Variants in SPOCK3 observed in about 807,000 individuals in gnomAD.
SPOCK3 encodes the protein testican-3.
Under a neutral mutation model 56.6 loss-of-function variants are expected in SPOCK3, and 30 were observed. The ratio of observed to expected loss-of-function variants is 0.53; its 90% CI spans 0.40 to 0.72. The LOEUF is 0.72. Ranked by LOEUF, SPOCK3 falls within the 30% of genes least tolerant of loss-of-function variation. SPOCK3 has a pLI of 0.00. For missense variants in SPOCK3, 527 were observed against 530.0 expected, an observed-to-expected ratio of 0.99 and a Z score of 0.06; for synonymous variants, 196 against 183.3, an observed-to-expected ratio of 1.07 and a Z score of -0.56.
chr4:166,827,081 T>C (rs1272166053), intron 6 of SPOCK3, among the ~76,000 whole-genome samples: 1 of 152,156 alleles, frequency 6.6e-6, no homozygotes, highest in Non-Finnish European at 1.5e-5. Context: ...CAGTGGTCCC[T>C]ATATTCAATC....
intron 6 of SPOCK3, among the ~76,000 whole-genome samples, chr4:166,845,421 T>C (rs1747959545): frequency 1.3e-5 from 2 of 152,194 alleles, no homozygotes; most frequent in Admixed American, 6.5e-5. Context: ...ACAAATCTAA[T>C]TGTGGCTTTA....
intron 4 of SPOCK3, among the ~76,000 whole-genome samples, chr4:166,914,394 T>C (rs1737616268): frequency 6.6e-6 from 1 of 152,214 alleles, no homozygotes; most frequent in African/African-American, 2.4e-5. Flanking sequence ...TAAATTTCTC[T>C]TATAAATATA....
At chr4:167,202,408 T>A (rs1353378858) in intron 2 of SPOCK3, among the ~76,000 whole-genome samples, 1 of 152,010 alleles carries the variant, frequency 6.6e-6, no homozygotes, top group Non-Finnish European at 1.5e-5. Flanking sequence ...TGACAGTTTA[T>A]GCAAAGTGTA....
rs5863838 is a variant in SPOCK3 at position 166,743,441 on chromosome 4, T to TAA, written c.932-1384_932-1383dup. 1.1e-4 allele frequency among the ~76,000 whole-genome samples: 17 copies of TAA among 151,674 alleles called. No individual in the cohort carries two copies. The South Asian group carries it at 2.9e-3, about 26-fold the overall frequency. ...TATGTGAACTTAATCTTGCAGAATC[T>TAA]AAAAAAAAATTCATCTTATAGAATC... On this transcript the variant is annotated intron_variant, in intron 8 of 10. Coordinates refer to ENST00000357545, the MANE Select transcript of SPOCK3 (RefSeq NM_001040159.2).
At chr4:167,123,059 A>G (rs893150977) in intron 2 of SPOCK3, among the ~76,000 whole-genome samples, 4 of 152,006 alleles carry the variant, frequency 2.6e-5, no homozygotes, top group African/African-American at 9.6e-5. Flanking sequence ...AAAGGGGAAA[A>G]AAAGGTAGAA....
chr4:167,134,749 G>A (rs1762978765), intron 2 of SPOCK3, among the ~76,000 whole-genome samples: 1 of 152,050 alleles, frequency 6.6e-6, no homozygotes, highest in East Asian at 1.9e-4. Flanking sequence ...GTTGCATACA[G>A]TCCTTCAGTT....
At chr4:166,779,331 C>G (rs973435564) in intron 7 of SPOCK3, among the ~76,000 whole-genome samples, 7 of 151,870 alleles carry the variant, frequency 4.6e-5, no homozygotes, top group Admixed American at 3.9e-4. Flanking sequence ...TTGAGGTGAT[C>G]CAGTTGTTGG....
chr4:167,224,410 C>T (rs1736383940), intron 2 of SPOCK3, among the ~76,000 whole-genome samples: 1 of 152,018 alleles, frequency 6.6e-6, no homozygotes, highest in South Asian at 2.1e-4. Flanking sequence ...AATGCTATAA[C>T]AATCTGAAAA....
chr4:166,963,305 T>A (rs1233704455), intron 4 of SPOCK3, among the ~76,000 whole-genome samples: 1 of 151,972 alleles, frequency 6.6e-6, no homozygotes. Context: ...GAAATAGAAA[T>A]GTGAGTGAGC....
intron 4 of SPOCK3, among the ~76,000 whole-genome samples, chr4:166,987,891 A>G (rs1463622210): frequency 6.6e-6 from 1 of 152,178 alleles, no homozygotes; most frequent in African/African-American, 2.4e-5. Context: ...GCCTGCAAAG[A>G]GCAGCATAAT....
At chr4:167,111,958 C>T (rs1350834121) in intron 2 of SPOCK3, among the ~76,000 whole-genome samples, 2 of 151,972 alleles carry the variant, frequency 1.3e-5, no homozygotes, top group African/African-American at 4.8e-5. Flanking sequence ...TGAGGTGTCA[C>T]TATGTTTCCC....
chr4:166,974,421 C>T (rs1294458306), intron 4 of SPOCK3, among the ~76,000 whole-genome samples: 2 of 152,126 alleles, frequency 1.3e-5, no homozygotes, highest in Non-Finnish European at 2.9e-5. Context: ...AATTCATTTA[C>T]AGTCAAATAA....
intron 4 of SPOCK3, among the ~76,000 whole-genome samples, chr4:166,927,957 G>A (rs75533043): frequency 2.2e-4 from 33 of 152,128 alleles, no homozygotes; most frequent in East Asian, 1.9e-3. Context: ...ATATGCATAC[G>A]GCAAATAAGC....
At chr4:166,819,431 A>G (rs1744696206) in intron 6 of SPOCK3, among the ~76,000 whole-genome samples, 1 of 152,072 alleles carries the variant, frequency 6.6e-6, no homozygotes, top group Admixed American at 6.6e-5. Flanking sequence ...AGAAAGTAAA[A>G]CAGTCCTCAT....
Position 166,928,972 on chromosome 4 carries a change from C to T in SPOCK3, c.351-16229G>A, listed in dbSNP as rs182333205. Among the ~76,000 whole-genome samples, 744 of 139,470 alleles carry T rather than the reference C, an allele frequency of 5.3e-3. 4 individuals are homozygous for T. The highest frequency in any genetic ancestry group is 0.016 in the African/African-American group (667 of 40,616). 91.5% of individuals were successfully genotyped at this position (139,470 alleles called of 152,430 possible). Reference sequence around the variant, plus strand: ...GATAGAGTGAGACTCTGCCTCAAAACAACAACAACAACAACAACAAAAACT... The same window carrying T: ...GATAGAGTGAGACTCTGCCTCAAAATAACAACAACAACAACAACAAAAACT... On this transcript the variant is annotated intron_variant, in intron 4 of 10. Coordinates refer to ENST00000357545, the MANE Select transcript of SPOCK3 (RefSeq NM_001040159.2).
chr4:167,043,166 T>C (rs1753385802), intron 3 of SPOCK3, among the ~76,000 whole-genome samples: 1 of 152,108 alleles, frequency 6.6e-6, no homozygotes, highest in African/African-American at 2.4e-5. Flanking sequence ...ATCAGTGTTT[T>C]CTGCTTTTCT....
intron 2 of SPOCK3, among the ~76,000 whole-genome samples, chr4:167,119,583 C>T (rs369675859): frequency 6.6e-6 from 1 of 151,992 alleles, no homozygotes; most frequent in East Asian, 1.9e-4. Flanking sequence ...TCATTTAAAC[C>T]ATCATGAGAA....
rs190735263 is a variant in SPOCK3, at chr4:167,036,627, T to A, written c.235+25865A>T. Among the ~76,000 whole-genome samples the A allele has an allele frequency of 5.0e-3, 763 of 152,306 alleles. 18 individuals carry two copies. The highest frequency in any genetic ancestry group is 0.045 in the Admixed American group (695 of 15,300). On this transcript the variant is annotated intron_variant, in intron 3 of 10. Coordinates refer to ENST00000357545, the MANE Select transcript of SPOCK3 (RefSeq NM_001040159.2). Reference sequence around the variant, plus strand: ...TTGACATTTAAATTTTTTAACGGAATAGTCTACTTTTAAATTCTATGTTTT... The same window carrying A: ...TTGACATTTAAATTTTTTAACGGAAAAGTCTACTTTTAAATTCTATGTTTT...
intron 6 of SPOCK3, among the ~76,000 whole-genome samples, chr4:166,850,897 G>C (rs1010691859): frequency 6.6e-6 from 1 of 152,222 alleles, no homozygotes; most frequent in Non-Finnish European, 1.5e-5. Context: ...GGGGAGGGGT[G>C]CCCACCATTG....
Sources: gnomAD v4.1 joint callset for allele counts (sites outside exome capture counted in the v4.1 genomes callset) on GRCh38, gnomAD v4.1.1 for gene constraint, MANE v1.5 for transcripts, NCBI Gene and HGNC (gene_info 2026-07-23, HGNC 2026-07-21) for gene names.